Variants in LRRC7 observed in about 807,000 individuals in gnomAD.
LRRC7 encodes the protein leucine-rich repeat-containing protein 7.
Under a neutral mutation model 175.7 loss-of-function variants are expected in LRRC7, and 23 were observed. The ratio of observed to expected loss-of-function variants is 0.13; its 90% CI spans 0.09 to 0.19. The LOEUF is 0.19. Among genes scored for constraint, LRRC7 ranks in the 10% least tolerant of loss-of-function variants. The pLI is 1.00. For synonymous variants in LRRC7, 685 were observed against 680.9 expected (o/e 1.01, Z -0.09); for missense variants, 1,354 against 1,904.7 (o/e 0.71, Z 5.38).
chr1:70,005,123 CT>C (rs1655886282), intron 11 of LRRC7, among the ~76,000 whole-genome samples: 1 of 151,530 alleles, frequency 6.6e-6, no homozygotes, highest in Non-Finnish European at 1.5e-5. Flanking sequence ...TATATTTACT[CT>C]TCATTGAAAC....
Position 70,142,835 on chromosome 1 carries a change from G to GTGGT in LRRC7, c.*20949_*20952dup, listed in dbSNP as rs1474011703. On this transcript the variant is annotated 3_prime_UTR_variant, in exon 27 of 27. Transcript: ENST00000651989. ...ACATAAGCAATTCTGAAGGAAGACA[G>GTGGT]TGGTAGGTTTTCAGATGGTTTGTTA... is the stretch of plus-strand genomic sequence containing the variant. The GTGGT allele has an allele frequency of 6.6e-6, 1 of 152,044 alleles. No individual in the cohort carries two copies. 9.4% of individuals were successfully genotyped at this position (152,044 alleles called of 1,614,324 possible).
intron 23 of LRRC7, among the ~76,000 whole-genome samples, chr1:70,072,137 T>C (rs530448854): frequency 3.4e-4 from 52 of 152,186 alleles, no homozygotes; most frequent in Non-Finnish European, 6.3e-4. Context: ...ATCACTATTC[T>C]CCTCAAATAC....
At chr1:69,960,209 T>A (rs899568853) in intron 8 of LRRC7, among the ~76,000 whole-genome samples, 5 of 152,238 alleles carry the variant, frequency 3.3e-5, no homozygotes, top group Non-Finnish European at 5.9e-5. Context: ...GGTTCAGTCT[T>A]GGGGGATGGT....
chr1:69,886,235 T>A (rs1381657558), intron 7 of LRRC7, among the ~76,000 whole-genome samples: 1 of 151,894 alleles, frequency 6.6e-6, no homozygotes, highest in African/African-American at 2.4e-5. Context: ...TCTCCCATTG[T>A]TAATGTGTGG....
rs549419911 is a variant in LRRC7, at chr1:69,654,562, A to G, written c.3-23819A>G. On this transcript the variant is annotated intron_variant, in intron 1 of 26. Coordinates refer to ENST00000651989, the MANE Select transcript of LRRC7 (RefSeq NM_001370785.2). ...GATCATGTGCCAAATAGACTTTAAG[A>G]TGCCTCTATATCAGTGCACTTATGT... is the stretch of plus-strand genomic sequence containing the variant. Among the ~76,000 whole-genome samples the G allele has an allele frequency of 3.3e-5, 5 of 152,210 alleles. No individual in the cohort carries two copies. In the South Asian group the frequency reaches 1.0e-3, roughly 32 times the overall value.
chr1:69,589,154 A>ATGTC (rs1646531756), intron 1 of LRRC7, among the ~76,000 whole-genome samples: 1 of 113,724 alleles, frequency 8.8e-6, no homozygotes, highest in Non-Finnish European at 1.9e-5. Flanking sequence ...GTGTGTGTGT[A>ATGTC]TGTCTGTGTG....
chr1:69,919,773 G>A (rs1395889782), intron 7 of LRRC7: 14 of 928,350 alleles, frequency 1.5e-5, no homozygotes, highest in Non-Finnish European at 6.9e-6. Context: ...TTTGCGCGGC[G>A]GACGGGGGAG....
chr1:69,621,919 A>G (rs1650678438), intron 1 of LRRC7, among the ~76,000 whole-genome samples: 1 of 152,114 alleles, frequency 6.6e-6, no homozygotes, highest in Non-Finnish European at 1.5e-5. Flanking sequence ...ACCTTTCCCA[A>G]AGCTTTACCA....
At position 69,922,431 on chromosome 1, in the gene LRRC7, G is replaced by A. The variant is rs532794034; in HGVS notation, c.648-9076G>A. Reference sequence around the variant, plus strand: ...CTTTTTGTTCTCTAGCAACCTACACGTATGATTTTTACGGCAAATGCCATA... The same window carrying A: ...CTTTTTGTTCTCTAGCAACCTACACATATGATTTTTACGGCAAATGCCATA... On this transcript the variant is annotated intron_variant, in intron 7 of 26. Transcript: ENST00000651989. Among the ~76,000 whole-genome samples, 196 of 152,182 alleles carry A rather than the reference G, an allele frequency of 1.3e-3. 1 individual carries two copies. Among genetic ancestry groups the A allele is most frequent in the Non-Finnish European group, 2.2e-3 (148 of 68,016 alleles).
chr1:69,841,098 C>T (rs895727697), intron 7 of LRRC7, among the ~76,000 whole-genome samples: 1 of 151,848 alleles, frequency 6.6e-6, no homozygotes, highest in Non-Finnish European at 1.5e-5. Flanking sequence ...CTCAGCGTGT[C>T]TCATGAGGCT....
chr1:69,601,513 T>C (rs1647072112), intron 1 of LRRC7, among the ~76,000 whole-genome samples: 2 of 152,202 alleles, frequency 1.3e-5, no homozygotes, highest in South Asian at 4.1e-4. Flanking sequence ...TGGGAACCTA[T>C]TTTCTCAACT....
chr1:69,750,871 C>T (rs1669785159), intron 2 of LRRC7, among the ~76,000 whole-genome samples: 1 of 152,114 alleles, frequency 6.6e-6, no homozygotes, highest in Non-Finnish European at 1.5e-5. Flanking sequence ...TTGATATCAC[C>T]ACATGGGGAT....
chr1:70,002,783 G>T (rs949478570), intron 11 of LRRC7, among the ~76,000 whole-genome samples: 1 of 151,980 alleles, frequency 6.6e-6, no homozygotes, highest in African/African-American at 2.4e-5. Flanking sequence ...GAACTAGATA[G>T]GCTTCAATAA....
intron 2 of LRRC7, among the ~76,000 whole-genome samples, chr1:69,698,023 C>T (rs76735249): frequency 5.5e-4 from 84 of 152,262 alleles, no homozygotes; most frequent in South Asian, 5.2e-3. Context: ...TCAGACAATT[C>T]CTTAAACATT....
intron 11 of LRRC7, among the ~76,000 whole-genome samples, chr1:69,999,971 T>G (rs115640226): frequency 0.013 from 2,036 of 152,270 alleles, 44 homozygotes; most frequent in African/African-American, 0.044. Flanking sequence ...AGAAAGCTGC[T>G]GCTGCCACCC....
chr1:69,958,463 C>G (rs1163476646), intron 8 of LRRC7, among the ~76,000 whole-genome samples: 3 of 151,924 alleles, frequency 2.0e-5, no homozygotes, highest in Non-Finnish European at 4.4e-5. Context: ...ACAGAGCAAA[C>G]AAATAGGGAA....
At chr1:69,594,210 T>C (rs1408705417) in intron 1 of LRRC7, among the ~76,000 whole-genome samples, 2 of 152,186 alleles carry the variant, frequency 1.3e-5, no homozygotes, top group Non-Finnish European at 2.9e-5. Flanking sequence ...TCCCTATTAT[T>C]AGTAATTACC....
chr1:70,057,197 C>T (rs557745031), intron 23 of LRRC7, among the ~76,000 whole-genome samples: 1 of 152,266 alleles, frequency 6.6e-6, no homozygotes, highest in Non-Finnish European at 1.5e-5. Flanking sequence ...CCACCTATCA[C>T]CTCTCAGAGT....
chr1:70,017,659 G>A lies in LRRC7; in HGVS notation c.1321-1060G>A, dbSNP rs116379149. Among the ~76,000 whole-genome samples, 996 of 152,120 alleles carry A rather than the reference G, an allele frequency of 6.5e-3. 9 individuals are homozygous for A. Among genetic ancestry groups the A allele is most frequent in the African/African-American group, 0.022 (917 of 41,516 alleles). On this transcript the variant is annotated intron_variant, in intron 14 of 26. Transcript: ENST00000651989. ...ATATTTACAGTCATTGGACACTTGT[G>A]GAAAATTTAAAATAACCTTTACAAA...
Sources: allele counts gnomAD v4.1 joint callset (sites outside exome capture counted in the v4.1 genomes callset), GRCh38; gene constraint gnomAD v4.1.1; transcripts MANE v1.5; gene names NCBI Gene and HGNC (gene_info 2026-07-23, HGNC 2026-07-21).